Variants in RELN observed in about 807,000 individuals in gnomAD.
RELN encodes the protein reelin.
In RELN, 108 loss-of-function variants were observed where a neutral mutation model predicts 427.6. The ratio of observed to expected loss-of-function variants is 0.25; its 90% confidence interval spans 0.22 to 0.30. The LOEUF is 0.30. RELN is among the 10% of genes least tolerant of loss of function. RELN has a pLI of 1.00. For missense variants in RELN, 3,715 were observed against 4,302.8 expected, an observed-to-expected ratio of 0.86 and a Z score of 3.82; for synonymous variants, 1,524 against 1,513.4, an observed-to-expected ratio of 1.01 and a Z score of -0.16.
intron 40 of RELN, among the ~76,000 whole-genome samples, chr7:103,552,345 C>T (rs979238999): frequency 1.3e-5 from 2 of 152,214 alleles, no homozygotes; most frequent in African/African-American, 4.8e-5. Context: ...CACAGTAACA[C>T]ATAACCATCT....
At chr7:103,776,188 T>C (rs988522198) in intron 4 of RELN, among the ~76,000 whole-genome samples, 2 of 152,170 alleles carry the variant, frequency 1.3e-5, no homozygotes, top group Non-Finnish European at 2.9e-5. Flanking sequence ...TATGATCAAA[T>C]GTTAAAAGCA....
At chr7:103,515,501 G>C in intron 49 of RELN, 60 bp from the exon 50 acceptor site, 1 of 1,552,852 alleles carries the variant, frequency 6.4e-7, no homozygotes, top group Non-Finnish European at 8.6e-7. Context: ...TCTTCTCTGA[G>C]TAAAAGATTT....
At chr7:103,800,860 CA>C (rs1792445874) in intron 3 of RELN, among the ~76,000 whole-genome samples, 1 of 152,078 alleles carries the variant, frequency 6.6e-6, no homozygotes, top group East Asian at 1.9e-4. Flanking sequence ...ACAGAATCTA[CA>C]AAGAACTTAA....
chr7:103,686,115 AT>A (rs983445661), intron 10 of RELN, among the ~76,000 whole-genome samples: 2 of 152,122 alleles, frequency 1.3e-5, no homozygotes, highest in African/African-American at 2.4e-5. Flanking sequence ...CTTACCATTT[AT>A]TCTTTGACGA....
chr7:103,487,950 C>G (rs973565044), intron 60 of RELN, among the ~76,000 whole-genome samples: 1 of 151,878 alleles, frequency 6.6e-6, no homozygotes, highest in Non-Finnish European at 1.5e-5. Flanking sequence ...TCGAGTCCAG[C>G]CTGACTAACA....
chr7:103,798,316 T>A (rs527934134), intron 3 of RELN, among the ~76,000 whole-genome samples: 1 of 152,186 alleles, frequency 6.6e-6, no homozygotes, highest in Non-Finnish European at 1.5e-5. Flanking sequence ...GCTACAATAC[T>A]CCATAGTATT....
At chr7:103,985,059 C>T (rs1797068392) in intron 1 of RELN, among the ~76,000 whole-genome samples, 1 of 152,046 alleles carries the variant, frequency 6.6e-6, no homozygotes, top group African/African-American at 2.4e-5. Context: ...AATAAAGTGC[C>T]CTCAATACTC....
intron 8 of RELN, among the ~76,000 whole-genome samples, chr7:103,706,893 C>T (rs976380029): frequency 6.6e-6 from 1 of 152,166 alleles, no homozygotes; most frequent in African/African-American, 2.4e-5. Context: ...TGTACTTGGG[C>T]ATCACTTTCT....
chr7:103,706,061 T>C lies in RELN; in HGVS notation c.806-5055A>G, dbSNP rs532476469. Among the ~76,000 whole-genome samples, 4 of 152,336 alleles carry C rather than the reference T, an allele frequency of 2.6e-5. 1 individual carries two copies. The South Asian group carries it at 6.2e-4, about 24-fold the overall frequency. On this transcript the variant is annotated intron_variant, in intron 8 of 64. Coordinates refer to ENST00000428762, the MANE Select transcript of RELN (RefSeq NM_005045.4). ...TAAAGAACTTACAGTACATTTTTCC[T>C]CTATACTTTCTTTTACTTTGGGCTA... is the stretch of plus-strand genomic sequence containing the variant.
intron 3 of RELN, among the ~76,000 whole-genome samples, chr7:103,818,321 A>G (rs79789841): frequency 0.011 from 1,650 of 152,314 alleles, 32 homozygotes; most frequent in African/African-American, 0.038. Context: ...ATTTATTGAA[A>G]TCCAACAATG....
intron 20 of RELN, among the ~76,000 whole-genome samples, chr7:103,624,143 C>T (rs10231022): frequency 0.056 from 8,514 of 152,214 alleles, 819 homozygotes; most frequent in African/African-American, 0.19. Flanking sequence ...TGGGTGACTG[C>T]TGCTTCTCAT....
At chr7:103,503,313 T>C (rs1829098230) in intron 51 of RELN, 83 bp from the exon 52 acceptor site, 1 of 1,089,392 alleles carries the variant, frequency 9.2e-7, no homozygotes, top group Non-Finnish European at 1.4e-6. Flanking sequence ...AAAAAGCTGC[T>C]GATCACTTGA....
At chr7:103,491,880 A>T in intron 58 of RELN, 73 bp downstream of exon 58, 1 of 859,710 alleles carries the variant, frequency 1.2e-6, no homozygotes, top group Non-Finnish European at 1.9e-6. Flanking sequence ...ACACACACAC[A>T]CACACACACA....
chr7:103,595,571 T>C (rs1376734339), intron 25 of RELN, among the ~76,000 whole-genome samples: 4 of 152,178 alleles, frequency 2.6e-5, no homozygotes, highest in Non-Finnish European at 4.4e-5. Context: ...TTAAAACATA[T>C]TCAGTCTGTA....
intron 51 of RELN, among the ~76,000 whole-genome samples, chr7:103,503,819 G>C (rs1163735294): frequency 6.9e-6 from 1 of 145,572 alleles, no homozygotes; most frequent in Admixed American, 7.0e-5. Flanking sequence ...AGCCAAAATT[G>C]ATGTTGACAT....
chr7:103,539,813 AT>A (rs1474386681), intron 44 of RELN, among the ~76,000 whole-genome samples: 2 of 152,046 alleles, frequency 1.3e-5, no homozygotes, highest in Non-Finnish European at 2.9e-5. Context: ...AGATTGATTT[AT>A]TTTTTTCTTC....
chr7:103,937,027 G>A (rs911510629), intron 1 of RELN, among the ~76,000 whole-genome samples: 2 of 152,098 alleles, frequency 1.3e-5, no homozygotes, highest in African/African-American at 2.4e-5. Context: ...TTCACCTGTG[G>A]TTTTTAAATA....
chr7:103,586,936 T>C (rs1395185623), intron 28 of RELN, among the ~76,000 whole-genome samples: 1 of 152,176 alleles, frequency 6.6e-6, no homozygotes, highest in African/African-American at 2.4e-5. Context: ...AGAATCAATA[T>C]TGTTAAAATT....
intron 1 of RELN, among the ~76,000 whole-genome samples, chr7:103,975,545 A>ATTTG: frequency 1.3e-5 from 2 of 149,572 alleles, no homozygotes; most frequent in Non-Finnish European, 1.5e-5. Flanking sequence ...TTATTTATTT[A>ATTTG]TTTATTTATT....
Sources: gnomAD v4.1 joint callset for allele counts (sites outside exome capture counted in the v4.1 genomes callset) on GRCh38, gnomAD v4.1.1 for gene constraint, MANE v1.5 for transcripts, NCBI Gene and HGNC (gene_info 2026-07-23, HGNC 2026-07-21) for gene names.